The following LRP1B variants were observed in gnomAD, a reference collection of about 807,000 sequenced individuals.
The protein encoded by LRP1B is LDL receptor related protein 1B.
LRP1B carries 217 observed loss-of-function variants against 556.6 expected under a neutral mutation model. The observed-to-expected ratio is 0.39, with a 90% CI of 0.35 to 0.44. The LOEUF (loss-of-function observed/expected upper bound fraction) is 0.44, where lower values mean the gene tolerates loss of function less well. LRP1B is among the 20% of genes least tolerant of loss of function. LRP1B has a pLI of 1.00. For synonymous variants in LRP1B, 2,047 were observed against 1,865.8 expected, an observed-to-expected ratio of 1.10 and a Z score of -2.50; for missense variants, 5,053 against 5,620.8, an observed-to-expected ratio of 0.90 and a Z score of 3.23.
At chr2:141,433,595 A>T (rs1318452080) in intron 3 of LRP1B, among the ~76,000 whole-genome samples, 1 of 152,076 alleles carries the variant, frequency 6.6e-6, no homozygotes, top group Non-Finnish European at 1.5e-5. Flanking sequence ...TGAACATGTC[A>T]TTTCACTATC....
At chr2:141,920,239 G>A (rs1470695841) in intron 1 of LRP1B, among the ~76,000 whole-genome samples, 1 of 137,898 alleles carries the variant, frequency 7.3e-6, no homozygotes, top group Non-Finnish European at 1.6e-5. Flanking sequence ...CACATTGCCA[G>A]GATGGTGATC....
At chr2:140,914,080 G>A (rs1694503273) in intron 21 of LRP1B, among the ~76,000 whole-genome samples, 1 of 152,094 alleles carries the variant, frequency 6.6e-6, no homozygotes, top group Admixed American at 6.6e-5. Context: ...TAGCAATGGA[G>A]ATTGTCTATA....
chr2:142,109,617 A>G (rs1436991485), intron 1 of LRP1B, among the ~76,000 whole-genome samples: 2 of 152,190 alleles, frequency 1.3e-5, no homozygotes, highest in Non-Finnish European at 2.9e-5. Context: ...GAGAATACCT[A>G]TGAATTTATC....
chr2:140,705,293 G>A (rs1252194603), intron 37 of LRP1B, among the ~76,000 whole-genome samples: 6 of 151,898 alleles, frequency 4.0e-5, no homozygotes, highest in Non-Finnish European at 7.4e-5. Flanking sequence ...GGAGGCTGAG[G>A]CAGGCGTATC....
intron 7 of LRP1B, among the ~76,000 whole-genome samples, chr2:141,133,426 G>A (rs1333062577): frequency 3.3e-5 from 5 of 151,420 alleles, no homozygotes; most frequent in South Asian, 2.1e-4. Flanking sequence ...ATTAAGATTC[G>A]GAGACTTATT....
At chr2:140,332,304 ATTT>A (rs35501714) in intron 79 of LRP1B, among the ~76,000 whole-genome samples, 4 of 151,082 alleles carry the variant, frequency 2.6e-5, no homozygotes, top group African/African-American at 9.7e-5. Context: ...CATATGCCTC[ATTT>A]TTTTTTCTTT....
At chr2:141,185,609 T>G (rs1467225500) in intron 7 of LRP1B, among the ~76,000 whole-genome samples, 9 of 149,624 alleles carry the variant, frequency 6.0e-5, no homozygotes, top group African/African-American at 7.4e-5. Flanking sequence ...GGACTGGAGC[T>G]TGGCTCAAGT....
At chr2:141,619,105 T>C (rs926088481) in intron 2 of LRP1B, among the ~76,000 whole-genome samples, 2 of 152,188 alleles carry the variant, frequency 1.3e-5, no homozygotes, top group African/African-American at 4.8e-5. Flanking sequence ...CTATCCTGTT[T>C]GATTTCTCTA....
In LRP1B at chr2:140,791,193, G is replaced by A. The variant is rs1046861958; in HGVS notation, c.5360-14955C>T. 1.6e-4 allele frequency among the ~76,000 whole-genome samples: 25 copies of A among 152,218 alleles called. 1 individual carries two copies. Among genetic ancestry groups the A allele is most frequent in the African/African-American group, 5.8e-4 (24 of 41,550 alleles). On this transcript the variant is annotated intron_variant, in intron 32 of 90. Coordinates refer to ENST00000389484, the MANE Select transcript of LRP1B (RefSeq NM_018557.3). ...CGTTTGAACCCAGGAGGCAGAGGTT[G>A]CAGTGAGCCAAGATTGCACCGCTGC...
chr2:141,691,675 C>A (rs1350429046), intron 2 of LRP1B, among the ~76,000 whole-genome samples: 1 of 151,872 alleles, frequency 6.6e-6, no homozygotes, highest in African/African-American at 2.4e-5. Flanking sequence ...ATTAATTTTT[C>A]TATTCTTTGG....
At chr2:141,543,868 T>G (rs1427541483) in intron 2 of LRP1B, among the ~76,000 whole-genome samples, 2 of 152,018 alleles carry the variant, frequency 1.3e-5, no homozygotes, top group African/African-American at 4.8e-5. Context: ...TGGTGCAAGG[T>G]CTCATGGGAC....
At chr2:142,044,980 G>T (rs1574627676) in intron 1 of LRP1B, among the ~76,000 whole-genome samples, 1 of 151,618 alleles carries the variant, frequency 6.6e-6, no homozygotes, top group Non-Finnish European at 1.5e-5. Flanking sequence ...ATCTCTATAT[G>T]CATTGTCATA....
Position 141,855,528 on chromosome 2 carries a change from T to C in LRP1B, c.83-45127A>G, listed in dbSNP as rs891892146. Among the ~76,000 whole-genome samples the C allele has an allele frequency of 3.3e-5, 5 of 152,244 alleles. No individual in the cohort carries two copies. In the South Asian group the frequency reaches 1.0e-3, roughly 32 times the overall value. On this transcript the variant is annotated intron_variant, in intron 1 of 90. Coordinates refer to ENST00000389484, the MANE Select transcript of LRP1B (RefSeq NM_018557.3). ...GCTCATACATGCTTTAGGTGAGTGATTTTCAGTGGTGAAAATTCTAAAAAC... is the reference window on the plus strand; with the variant it reads ...GCTCATACATGCTTTAGGTGAGTGACTTTCAGTGGTGAAAATTCTAAAAAC...
At chr2:140,444,098 C>T (rs1686547716) in intron 65 of LRP1B, among the ~76,000 whole-genome samples, 1 of 152,094 alleles carries the variant, frequency 6.6e-6, no homozygotes. Flanking sequence ...GAATGTTGTT[C>T]ATGTTTGTCA....
intron 1 of LRP1B, among the ~76,000 whole-genome samples, chr2:142,039,470 C>T (rs111703889): frequency 1.3e-5 from 2 of 151,404 alleles, no homozygotes; most frequent in Admixed American, 6.6e-5. Flanking sequence ...TGTTCTGGTC[C>T]GAAAACAGAA....
At chr2:141,656,472 A>G (rs1252493365) in intron 2 of LRP1B, among the ~76,000 whole-genome samples, 1 of 152,180 alleles carries the variant, frequency 6.6e-6, no homozygotes, top group Non-Finnish European at 1.5e-5. Context: ...AAACTTGAAT[A>G]TCAGGTTATG....
chr2:140,713,948 T>C (rs1427842325), intron 37 of LRP1B, among the ~76,000 whole-genome samples: 1 of 152,142 alleles, frequency 6.6e-6, no homozygotes. Flanking sequence ...AAACCCAAGA[T>C]AATTTTATAG....
intron 2 of LRP1B, among the ~76,000 whole-genome samples, chr2:141,499,029 C>G (rs573051517): frequency 2.0e-5 from 3 of 152,180 alleles, no homozygotes; most frequent in South Asian, 2.1e-4. Flanking sequence ...TGTCTCTACT[C>G]TGATCTGAGA....
chr2:140,979,577 T>C (rs1573945847), intron 18 of LRP1B, among the ~76,000 whole-genome samples: 2 of 151,884 alleles, frequency 1.3e-5, no homozygotes, highest in Admixed American at 1.3e-4. Flanking sequence ...AGGGTGGGAG[T>C]ATTTACAGCA....
Sources: gnomAD v4.1 joint callset for allele counts (sites outside exome capture counted in the v4.1 genomes callset) on GRCh38, gnomAD v4.1.1 for gene constraint, MANE v1.5 for transcripts, NCBI Gene and HGNC (gene_info 2026-07-23, HGNC 2026-07-21) for gene names.